Variants in TENM4 observed in about 807,000 individuals in gnomAD.
TENM4 encodes the protein teneurin transmembrane protein 4.
In TENM4, 82 loss-of-function variants were observed where a neutral mutation model predicts 243.3. That is an observed-to-expected ratio of 0.34 (90% CI 0.28 to 0.40). The LOEUF is 0.40. Among genes scored for constraint, TENM4 ranks in the 10% least tolerant of loss-of-function variants. The pLI, the probability that TENM4 is intolerant of heterozygous loss-of-function variation, is 1.00. For missense variants in TENM4, 3,138 were observed against 3,673.3 expected, an observed-to-expected ratio of 0.85 and a Z score of 3.77; for synonymous variants, 1,412 against 1,456.3, an observed-to-expected ratio of 0.97 and a Z score of 0.69.
At position 79,382,907 on chromosome 11, in the gene TENM4, A is replaced by T. The variant is rs577044899; in HGVS notation, c.-321+57602T>A. On this transcript the variant is annotated intron_variant, in intron 1 of 33. Transcript: ENST00000278550. ...ATGGGTCCAGGGATGAGATTCCTGG[A>T]TATGGTATTAATTACTTCCCTGAAG... Among the ~76,000 whole-genome samples the T allele has an allele frequency of 6.6e-5, 10 of 152,232 alleles. No individual in the cohort carries two copies. In the South Asian group the frequency reaches 2.1e-3, roughly 32 times the overall value.
rs1857936609 is a variant in TENM4, at chr11:78,658,018, A to G, written c.*40T>C. 2 of 1,609,692 alleles carry G rather than the reference A, an allele frequency of 1.2e-6. No homozygotes were observed. Among genetic ancestry groups the G allele is most frequent in the East Asian group, 4.5e-5 (2 of 44,838 alleles). On this transcript the variant is annotated 3_prime_UTR_variant, in exon 34 of 34. Coordinates refer to ENST00000278550, the MANE Select transcript of TENM4 (RefSeq NM_001098816.3). ...ACACAGTCAGGTATGCGGCCACAAA[A>G]GAGTAGCTGTCTTTGGCAAGAAGTC...
intron 2 of TENM4, among the ~76,000 whole-genome samples, chr11:79,266,680 G>C (rs886700580): frequency 2.0e-5 from 3 of 152,148 alleles, no homozygotes; most frequent in Non-Finnish European, 2.9e-5. Context: ...GGTATTTATT[G>C]GTTTTGATAG....
chr11:79,437,939 G>T (rs1031014034), intron 1 of TENM4, among the ~76,000 whole-genome samples: 1 of 152,200 alleles, frequency 6.6e-6, no homozygotes, highest in South Asian at 2.1e-4. Context: ...TTTTCCAGCC[G>T]AGCACTGGCT....
chr11:78,708,207 T>C (rs1158770908), intron 27 of TENM4, among the ~76,000 whole-genome samples, 154 bp downstream of exon 27: 1 of 152,242 alleles, frequency 6.6e-6, no homozygotes, highest in Non-Finnish European at 1.5e-5. Flanking sequence ...ATCTTACTTG[T>C]CTTTGTGTCC....
chr11:78,955,726 G>A (rs1426754733), intron 6 of TENM4, among the ~76,000 whole-genome samples: 1 of 152,178 alleles, frequency 6.6e-6, no homozygotes, highest in Non-Finnish European at 1.5e-5. Flanking sequence ...TGTTTATTTT[G>A]CAAGGTCAGG....
chr11:78,763,791 C>A (rs1396001448), intron 18 of TENM4, among the ~76,000 whole-genome samples: 1 of 152,232 alleles, frequency 6.6e-6, no homozygotes, highest in African/African-American at 2.4e-5. Context: ...GCTCTGCCAA[C>A]CTCTCAGGAT....
intron 2 of TENM4, among the ~76,000 whole-genome samples, chr11:79,290,250 G>A (rs998877155): frequency 6.6e-6 from 1 of 152,140 alleles, no homozygotes; most frequent in African/African-American, 2.4e-5. Flanking sequence ...TTAGATCAAA[G>A]GTGTCAGTAG....
chr11:78,918,462 A>G (rs1856370905), intron 6 of TENM4, among the ~76,000 whole-genome samples: 1 of 152,174 alleles, frequency 6.6e-6, no homozygotes, highest in Non-Finnish European at 1.5e-5. Context: ...AAAAAAAAAA[A>G]AAGGGACAGA....
At chr11:79,032,493 C>T (rs975120956) in intron 6 of TENM4, among the ~76,000 whole-genome samples, 3 of 152,098 alleles carry the variant, frequency 2.0e-5, no homozygotes, top group African/African-American at 2.4e-5. Context: ...GAGAAAGAGC[C>T]TCTGGTGATA....
At chr11:79,001,562 G>A (rs538838754) in intron 6 of TENM4, among the ~76,000 whole-genome samples, 1 of 152,322 alleles carries the variant, frequency 6.6e-6, no homozygotes, top group South Asian at 2.1e-4. Flanking sequence ...CCTGCGCAGA[G>A]CCCAAAGGGT....
chr11:78,805,282 C>CCCCCCCCCCCCCCCCCCCCCCCCCTTTT lies in TENM4; in HGVS notation c.2179+9_2179+10insAAAAGGGGGGGGGGGGGGGGGGGGGGGG. ...CCCTCTACCCATGCTTCTTCTCCCC[C>CCCCCCCCCCCCCCCCCCCCCCCCCTTTT]TGCATTTACCGATAGAACAGTCGTG... is the stretch of plus-strand genomic sequence containing the variant. On this transcript the variant is annotated intron_variant, in intron 15 of 33. Coordinates refer to ENST00000278550, the MANE Select transcript of TENM4 (RefSeq NM_001098816.3). 1 of 995,568 alleles carries CCCCCCCCCCCCCCCCCCCCCCCCCTTTT rather than the reference C, an allele frequency of 1.0e-6. No homozygotes were observed. Among genetic ancestry groups the CCCCCCCCCCCCCCCCCCCCCCCCCTTTT allele is most frequent in the South Asian group, 3.2e-5 (1 of 30,968 alleles). The allele number at this position is 995,568 out of a possible 1,614,324, so 61.7% of individuals were successfully genotyped here.
intron 3 of TENM4, among the ~76,000 whole-genome samples, chr11:79,197,063 T>A (rs537420843): frequency 1.3e-5 from 2 of 152,188 alleles, no homozygotes; most frequent in Non-Finnish European, 2.9e-5. Context: ...TTTTCCCCCA[T>A]GCTTTCATTT....
chr11:79,031,781 T>A (rs1472540274), intron 6 of TENM4, among the ~76,000 whole-genome samples: 1 of 152,210 alleles, frequency 6.6e-6, no homozygotes, highest in South Asian at 2.1e-4. Context: ...ACGTTGCTTC[T>A]ACTTTCATGC....
intron 6 of TENM4, among the ~76,000 whole-genome samples, chr11:78,958,838 C>T (rs1395831655): frequency 6.6e-6 from 1 of 152,234 alleles, no homozygotes; most frequent in Non-Finnish European, 1.5e-5. Context: ...GCAGTCCCAG[C>T]TGGCCCTAAA....
chr11:79,023,492 G>A (rs1325193538), intron 6 of TENM4, among the ~76,000 whole-genome samples: 1 of 151,690 alleles, frequency 6.6e-6, no homozygotes, highest in Non-Finnish European at 1.5e-5. Context: ...AACCTGGGAG[G>A]TGGAGGTTGT....
At chr11:79,314,187 T>C (rs1019251081) in intron 1 of TENM4, among the ~76,000 whole-genome samples, 8 of 152,174 alleles carry the variant, frequency 5.3e-5, no homozygotes, top group Admixed American at 4.6e-4. Flanking sequence ...TTTTCTCATC[T>C]GCAAAGTAGG....
chr11:79,138,951 T>C (rs1450060205), intron 4 of TENM4, among the ~76,000 whole-genome samples: 3 of 106,398 alleles, frequency 2.8e-5, no homozygotes, highest in East Asian at 2.4e-4. Flanking sequence ...ATATATATTA[T>C]ATTTCCATAA....
intron 2 of TENM4, among the ~76,000 whole-genome samples, chr11:79,297,132 T>C (rs1565288163): frequency 1.3e-5 from 2 of 152,174 alleles, no homozygotes; most frequent in African/African-American, 4.8e-5. Flanking sequence ...TACCAAACAG[T>C]TGGGTCTATT....
chr11:79,109,526 A>C, intron 4 of TENM4, among the ~76,000 whole-genome samples: 1 of 152,180 alleles, frequency 6.6e-6, no homozygotes, highest in Non-Finnish European at 1.5e-5. Flanking sequence ...TGCGGTTGCC[A>C]TGCAGGGGAG....
Sources: allele counts gnomAD v4.1 joint callset (sites outside exome capture counted in the v4.1 genomes callset), GRCh38; gene constraint gnomAD v4.1.1; transcripts MANE v1.5; gene names NCBI Gene and HGNC (gene_info 2026-07-23, HGNC 2026-07-21).